CENPE: variants seen among roughly 807,000 people sequenced by gnomAD.
CENPE encodes centromere-associated protein E.
Under a neutral mutation model 336.1 loss-of-function variants are expected in CENPE, and 145 were observed. The observed-to-expected ratio is 0.43, with a 90% CI of 0.38 to 0.50. The LOEUF (loss-of-function observed/expected upper bound fraction) is 0.50, where lower values mean the gene tolerates loss of function less well. Ranked by LOEUF, CENPE falls within the 20% of genes least tolerant of loss-of-function variation. The pLI is 0.00. For missense variants in CENPE, 2,719 were observed against 3,023.3 expected (o/e 0.90, Z 2.36); for synonymous variants, 1,013 against 984.8 (o/e 1.03, Z -0.54).
At chr4:103,118,221 C>T (rs975197755) in intron 44 of CENPE, among the ~76,000 whole-genome samples, 1 of 152,186 alleles carries the variant, frequency 6.6e-6, no homozygotes, top group African/African-American at 2.4e-5. Context: ...TTGCTCCACA[C>T]ACCAGCATTT....
chr4:103,198,255 C>G lies in CENPE; in HGVS notation c.56+9G>C. 8.4e-6 allele frequency: 13 copies of G among 1,549,780 alleles called. No homozygotes were observed. Among genetic ancestry groups the G allele is most frequent in the Non-Finnish European group, 1.1e-5 (13 of 1,146,546 alleles). ...CAGCGGGCACCGGGCCGTGGTGTGGCCCCCCTACCTGCTGTTCAGCGGCCG... is the reference window on the plus strand; with the variant it reads ...CAGCGGGCACCGGGCCGTGGTGTGGGCCCCCTACCTGCTGTTCAGCGGCCG... On this transcript the variant is annotated intron_variant, in intron 1 of 48. Transcript: ENST00000265148.
At position 103,145,500 on chromosome 4, in the gene CENPE, C is replaced by G. The variant is rs745768659; in HGVS notation, c.4572+23G>C. ...CTCCAAACCCACCCATTTCCTCCCA[C>G]TGTTTCTTCATCCCCAATTTACCTT... On this transcript the variant is annotated intron_variant, in intron 31 of 48. Coordinates refer to ENST00000265148, the MANE Select transcript of CENPE (RefSeq NM_001813.3). 7 of 1,582,772 alleles carry G rather than the reference C, an allele frequency of 4.4e-6. No homozygotes were observed. In the East Asian group the frequency reaches 1.6e-4, roughly 35 times the overall value.
At chr4:103,196,640 G>A (rs1232553970) in intron 2 of CENPE, 119 bp downstream of exon 2, 2 of 617,960 alleles carry the variant, frequency 3.2e-6, no homozygotes, top group African/African-American at 3.7e-5. Context: ...TTCCAGTGAA[G>A]CAGTTTATAG....
In CENPE at chr4:103,149,091, T is replaced by C. The variant is rs776800468; in HGVS notation, c.3687+27A>G. On this transcript the variant is annotated intron_variant, in intron 27 of 48. Coordinates refer to ENST00000265148, the MANE Select transcript of CENPE (RefSeq NM_001813.3). ...CTCAGATTTTAAAAGAAACACTTAA[T>C]AGATGAAGGAAAAGGGTATAACTTA... The C allele has an allele frequency of 4.6e-5, 73 of 1,580,602 alleles. 1 individual carries two copies. The highest frequency in any genetic ancestry group is 1.7e-4 in the Middle Eastern group (1 of 5,874).
At chr4:103,114,768 C>T (rs1482576125) in intron 45 of CENPE, among the ~76,000 whole-genome samples, 1 of 152,108 alleles carries the variant, frequency 6.6e-6, no homozygotes, top group African/African-American at 2.4e-5. Context: ...AGGGACAGTC[C>T]GATTTTCTTA....
At chr4:103,140,608 C>T (rs1292695112) in intron 36 of CENPE, among the ~76,000 whole-genome samples, 194 bp from the exon 37 acceptor site, 1 of 152,072 alleles carries the variant, frequency 6.6e-6, no homozygotes, top group Admixed American at 6.6e-5. Context: ...CCTTTCATAC[C>T]ACTTGGACAT....
At position 103,181,528 on chromosome 4, in the gene CENPE, C is replaced by T. The variant is rs368226900; in HGVS notation, c.964-72G>A. On this transcript the variant is annotated intron_variant, in intron 11 of 48. Transcript: ENST00000265148. ...TTCGAATTTAATTAATAATATTTAG[C>T]TTTCTTATATTCAAGATTAAAAAAA... The T allele has an allele frequency of 2.4e-5, 31 of 1,278,774 alleles. No individual in the cohort carries two copies. The South Asian group carries it at 4.4e-4, about 18-fold the overall frequency. The allele number at this position is 1,278,774 out of a possible 1,614,324, so 79.2% of individuals were successfully genotyped here.
intron 9 of CENPE, among the ~76,000 whole-genome samples, 155 bp downstream of exon 9, chr4:103,185,655 T>C (rs1756707857): frequency 6.6e-6 from 1 of 152,244 alleles, no homozygotes; most frequent in Admixed American, 6.5e-5. Context: ...CTGATTTCTA[T>C]GTTAAACTTT....
At chr4:103,168,370 G>A (rs901156181) in intron 16 of CENPE, among the ~76,000 whole-genome samples, 1 of 152,134 alleles carries the variant, frequency 6.6e-6, no homozygotes, top group African/African-American at 2.4e-5. Flanking sequence ...CCTCTCTACT[G>A]CAGCCTGGCA....
intron 8 of CENPE, among the ~76,000 whole-genome samples, chr4:103,189,118 A>G (rs1445730831): frequency 2.6e-5 from 4 of 152,208 alleles, no homozygotes; most frequent in Admixed American, 6.5e-5. Flanking sequence ...TGAATAGACC[A>G]AAACAGGCTC....
chr4:103,192,743 C>T (rs1377514936), intron 8 of CENPE, among the ~76,000 whole-genome samples: 1 of 151,924 alleles, frequency 6.6e-6, no homozygotes, highest in Non-Finnish European at 1.5e-5. Flanking sequence ...TCGTTTTAGA[C>T]ATATTAAAGT....
chr4:103,171,184 G>A (rs1274105899), intron 16 of CENPE, among the ~76,000 whole-genome samples: 1 of 152,016 alleles, frequency 6.6e-6, no homozygotes, highest in Admixed American at 6.6e-5. Context: ...AGACCTAACA[G>A]ATGTTTACAG....
At chr4:103,134,483 A>G (rs1030804383) in intron 40 of CENPE, among the ~76,000 whole-genome samples, 3 of 151,834 alleles carry the variant, frequency 2.0e-5, no homozygotes, top group Admixed American at 6.6e-5. Context: ...AAATACAAAA[A>G]ATTAGCTGGG....
intron 32 of CENPE, 82 bp downstream of exon 32, chr4:103,144,968 T>A (rs899854514): frequency 6.2e-6 from 8 of 1,292,984 alleles, no homozygotes; most frequent in Admixed American, 2.6e-5. Flanking sequence ...GGAAAATTAA[T>A]AAAACTTAAC....
intron 8 of CENPE, among the ~76,000 whole-genome samples, chr4:103,191,830 G>GA (rs760078154): frequency 7.3e-5 from 11 of 150,570 alleles, no homozygotes; most frequent in East Asian, 5.8e-4. Flanking sequence ...CGTAAAACTG[G>GA]AAAAAAAAAG....
chr4:103,151,492 T>C (rs974405021), intron 25 of CENPE, 115 bp from the exon 26 acceptor site: 3 of 752,084 alleles, frequency 4.0e-6, no homozygotes, highest in Non-Finnish European at 5.9e-6. Context: ...GAAAACTATA[T>C]AGGAAAAGAC....
chr4:103,188,885 T>C (rs1465218453), intron 8 of CENPE, among the ~76,000 whole-genome samples: 4 of 151,980 alleles, frequency 2.6e-5, no homozygotes, highest in African/African-American at 4.8e-5. Flanking sequence ...ACAAAATTGA[T>C]AGACCGCTAG....
chr4:103,138,187 G>GTA (rs1752230403), intron 39 of CENPE, among the ~76,000 whole-genome samples, 164 bp downstream of exon 39: 1 of 152,128 alleles, frequency 6.6e-6, no homozygotes. Context: ...GTGTATGTGT[G>GTA]TATATATGCA....
intron 41 of CENPE, among the ~76,000 whole-genome samples, chr4:103,133,381 T>C (rs930353248): frequency 6.6e-6 from 1 of 152,176 alleles, no homozygotes; most frequent in South Asian, 2.1e-4. Flanking sequence ...TCAGTACATA[T>C]AGCAGACCTT....
Sources: gnomAD v4.1 joint callset for allele counts (sites outside exome capture counted in the v4.1 genomes callset) on GRCh38, gnomAD v4.1.1 for gene constraint, MANE v1.5 for transcripts, NCBI Gene and HGNC (gene_info 2026-07-23, HGNC 2026-07-21) for gene names.